ZNF804B: variants seen among roughly 807,000 people sequenced by gnomAD.
The protein encoded by ZNF804B is zinc finger 804B.
ZNF804B carries 80 observed loss-of-function variants against 101.4 expected under a neutral mutation model. That is an observed-to-expected ratio of 0.79 (90% confidence interval 0.66 to 0.95). The LOEUF is 0.95. Among genes scored for constraint, ZNF804B ranks in the 40% least tolerant of loss-of-function variants. ZNF804B has a pLI of 0.00. For synonymous variants in ZNF804B, 622 were observed against 558.8 expected (o/e 1.11, Z -1.59); for missense variants, 1,673 against 1,561.9 (o/e 1.07, Z -1.20).
At chr7:89,029,203 A>G (rs1416617488) in intron 1 of ZNF804B, among the ~76,000 whole-genome samples, 1 of 144,532 alleles carries the variant, frequency 6.9e-6, no homozygotes, top group Non-Finnish European at 1.5e-5. Flanking sequence ...TCCCGGGCTC[A>G]AGCAATTCTC....
At chr7:89,310,064 C>A (rs1422052550) in intron 2 of ZNF804B, among the ~76,000 whole-genome samples, 1 of 149,894 alleles carries the variant, frequency 6.7e-6, no homozygotes, top group Non-Finnish European at 1.5e-5. Context: ...AGGTTGACTT[C>A]CAAAGCTGTT....
intron 1 of ZNF804B, among the ~76,000 whole-genome samples, chr7:88,875,495 A>T (rs918785292): frequency 1.3e-5 from 2 of 152,226 alleles, no homozygotes; most frequent in African/African-American, 4.8e-5. Context: ...CCGATCCCAC[A>T]GAAATACAAA....
intron 1 of ZNF804B, among the ~76,000 whole-genome samples, chr7:89,018,705 T>C (rs974761356): frequency 2.0e-5 from 3 of 152,110 alleles, no homozygotes; most frequent in African/African-American, 7.2e-5. Flanking sequence ...ATATTTTCTA[T>C]TTCTCCTTGG....
At chr7:88,898,402 G>A (rs1792341845) in intron 1 of ZNF804B, among the ~76,000 whole-genome samples, 1 of 151,492 alleles carries the variant, frequency 6.6e-6, no homozygotes, top group Admixed American at 6.6e-5. Context: ...CCATTCTTAT[G>A]GCTTCATCAT....
rs554113917 is a variant in ZNF804B at position 89,120,076 on chromosome 7, A to T, written c.109-98079A>T. ...CACAAACAGAAAATCAGCCATCATA[A>T]AATGATACTGTCAGGGGCACCTTTA... is the stretch of plus-strand genomic sequence containing the variant. On this transcript the variant is annotated intron_variant, in intron 1 of 3. Transcript: ENST00000333190. Among the ~76,000 whole-genome samples the T allele has an allele frequency of 2.6e-4, 39 of 152,258 alleles. No individual in the cohort carries two copies. The South Asian group carries it at 4.1e-3, about 16-fold the overall frequency.
At chr7:89,252,177 G>A (rs763001393) in intron 2 of ZNF804B, among the ~76,000 whole-genome samples, 2 of 151,956 alleles carry the variant, frequency 1.3e-5, no homozygotes, top group East Asian at 1.9e-4. Flanking sequence ...GTCTAATGTC[G>A]AGAATCTATA....
intron 1 of ZNF804B, among the ~76,000 whole-genome samples, chr7:89,119,540 T>C (rs1790366937): frequency 6.6e-6 from 1 of 152,224 alleles, no homozygotes; most frequent in Non-Finnish European, 1.5e-5. Context: ...AATAAATCAA[T>C]AATTATAAAA....
chr7:89,336,931 G>A lies in ZNF804B; in HGVS notation c.3949G>A (p.Val1317Ile). ...CCACTTGAATCCTTTAATCCAACCA[G>A]TATTCCAAGGTCAAGATTTTTGCCA... ...IIHLNPLIQP[V>I]FQGQDFCHHS... is the part of the protein sequence containing the mutation. The change falls in exon 4 of 4, where the codon GTA becomes ATA. Residue 1317 changes from valine (V) to isoleucine (I), a missense_variant. Coordinates refer to ENST00000333190, the MANE Select transcript of ZNF804B (RefSeq NM_181646.5). 1.9e-6 allele frequency: 3 copies of A among 1,613,998 alleles called. No homozygotes were observed. Among genetic ancestry groups the A allele is most frequent in the Non-Finnish European group, 2.5e-6 (3 of 1,179,984 alleles).
chr7:89,291,625 A>C (rs1472673920), intron 2 of ZNF804B, among the ~76,000 whole-genome samples: 1 of 152,186 alleles, frequency 6.6e-6, no homozygotes, highest in Non-Finnish European at 1.5e-5. Flanking sequence ...GCACACTTAC[A>C]AAATCTATAA....
At chr7:89,128,310 G>A (rs1366233544) in intron 1 of ZNF804B, among the ~76,000 whole-genome samples, 1 of 151,752 alleles carries the variant, frequency 6.6e-6, no homozygotes, top group Non-Finnish European at 1.5e-5. Flanking sequence ...TTAATAAATT[G>A]TAGCAATTTC....
At chr7:88,930,974 G>A (rs372670514) in intron 1 of ZNF804B, among the ~76,000 whole-genome samples, 1 of 151,736 alleles carries the variant, frequency 6.6e-6, no homozygotes, top group Non-Finnish European at 1.5e-5. Context: ...CATTATATTA[G>A]CCTTCTCTTT....
intron 2 of ZNF804B, among the ~76,000 whole-genome samples, chr7:89,255,613 A>T (rs1204043054): frequency 6.6e-6 from 1 of 152,222 alleles, no homozygotes; most frequent in Non-Finnish European, 1.5e-5. Context: ...ACAAATAAAT[A>T]TCATGTAGAT....
At chr7:88,776,673 T>G (rs4727179) in intron 1 of ZNF804B, among the ~76,000 whole-genome samples, 7,658 of 150,822 alleles carry the variant, frequency 0.051, 386 homozygotes, top group East Asian at 0.28. Context: ...GGCTAGATAT[T>G]TAATCTAAAA....
At chr7:88,888,856 G>A (rs191300956) in intron 1 of ZNF804B, among the ~76,000 whole-genome samples, 136 of 152,052 alleles carry the variant, frequency 8.9e-4, no homozygotes, top group Middle Eastern at 3.4e-3. Context: ...GATATATTGC[G>A]TAAAGCTGAG....
intron 1 of ZNF804B, among the ~76,000 whole-genome samples, chr7:88,963,642 G>A (rs2116095324): frequency 6.6e-6 from 1 of 151,304 alleles, no homozygotes; most frequent in South Asian, 2.1e-4. Context: ...TGACTCCAAA[G>A]ATAAAGGCAA....
At chr7:89,074,310 C>T (rs1285264715) in intron 1 of ZNF804B, among the ~76,000 whole-genome samples, 3 of 152,142 alleles carry the variant, frequency 2.0e-5, no homozygotes, top group Admixed American at 6.5e-5. Context: ...TTGGCTGTGC[C>T]TCCACCCAAA....
intron 1 of ZNF804B, among the ~76,000 whole-genome samples, chr7:89,027,433 A>C (rs569709340): frequency 6.6e-6 from 1 of 152,316 alleles, no homozygotes; most frequent in East Asian, 1.9e-4. Context: ...GATGCAGTTG[A>C]GGTTGTGAGT....
intron 1 of ZNF804B, among the ~76,000 whole-genome samples, chr7:89,177,850 G>A (rs1224813739): frequency 1.3e-5 from 2 of 151,776 alleles, no homozygotes; most frequent in Admixed American, 6.6e-5. Flanking sequence ...CAAGAGAATG[G>A]CATGAACCTG....
chr7:88,986,091 G>A (rs1793757123), intron 1 of ZNF804B, among the ~76,000 whole-genome samples: 1 of 152,000 alleles, frequency 6.6e-6, no homozygotes, highest in Admixed American at 6.6e-5. Flanking sequence ...AAACATAAAG[G>A]CTTTGATGGC....
Sources: gnomAD v4.1 joint callset for allele counts (sites outside exome capture counted in the v4.1 genomes callset) on GRCh38, gnomAD v4.1.1 for gene constraint, MANE v1.5 for transcripts, NCBI Gene and HGNC (gene_info 2026-07-23, HGNC 2026-07-21) for gene names.